AGBL4: variants seen among roughly 807,000 people sequenced by gnomAD.
AGBL4 encodes the protein AGBL carboxypeptidase 4.
AGBL4 carries 58 observed loss-of-function variants against 66.4 expected under a neutral mutation model. The observed-to-expected ratio is 0.87, with a 90% CI of 0.71 to 1.09. The LOEUF is 1.09. AGBL4 is among the 50% of genes least tolerant of loss of function. The pLI is 0.00. For synonymous variants in AGBL4, 234 were observed against 222.9 expected (o/e 1.05, Z -0.44); for missense variants, 579 against 631.0 (o/e 0.92, Z 0.88).
chr1:48,751,103 T>C (rs550871350), intron 6 of AGBL4, among the ~76,000 whole-genome samples: 8 of 152,200 alleles, frequency 5.3e-5, no homozygotes, highest in Non-Finnish European at 8.8e-5. Context: ...TGGGCCTCAG[T>C]TGTCCATCTA....
At chr1:49,345,277 AC>A (rs1186551758) in intron 3 of AGBL4, among the ~76,000 whole-genome samples, 2 of 152,188 alleles carry the variant, frequency 1.3e-5, no homozygotes, top group East Asian at 3.8e-4. Context: ...TATAATTGTT[AC>A]GTTAAATTAT....
intron 3 of AGBL4, among the ~76,000 whole-genome samples, chr1:49,653,537 T>A (rs1414156468): frequency 6.6e-6 from 1 of 152,060 alleles, no homozygotes; most frequent in East Asian, 1.9e-4. Flanking sequence ...TAAAGGATTA[T>A]GTTCTAACTC....
chr1:48,541,146 T>C (rs898686833), intron 11 of AGBL4, among the ~76,000 whole-genome samples: 2 of 152,230 alleles, frequency 1.3e-5, no homozygotes, highest in African/African-American at 4.8e-5. Flanking sequence ...ACATGCCATC[T>C]TTCTAGATCA....
chr1:49,993,263 A>G (rs1388612532), intron 1 of AGBL4, among the ~76,000 whole-genome samples: 1 of 152,256 alleles, frequency 6.6e-6, no homozygotes, highest in Non-Finnish European at 1.5e-5. Context: ...AAGGTAGATT[A>G]CATTTAAGGT....
At chr1:49,006,668 A>G (rs9793655) in intron 5 of AGBL4, among the ~76,000 whole-genome samples, 78,897 of 146,558 alleles carry the variant, frequency 0.54, 20,808 homozygotes, top group Middle Eastern at 0.6. Flanking sequence ...CCCAGTACGC[A>G]GCTGGAGATC....
intron 3 of AGBL4, among the ~76,000 whole-genome samples, chr1:49,543,509 T>G (rs1652231041): frequency 6.6e-6 from 1 of 151,996 alleles, no homozygotes; most frequent in South Asian, 2.1e-4. Flanking sequence ...AAAAGCACAC[T>G]CAGGCCTTTT....
At chr1:49,119,593 T>C (rs1466677181) in intron 4 of AGBL4, among the ~76,000 whole-genome samples, 1 of 152,228 alleles carries the variant, frequency 6.6e-6, no homozygotes, top group Non-Finnish European at 1.5e-5. Flanking sequence ...TCTTTTACAC[T>C]TGCTGAGGAG....
At chr1:48,608,338 G>C (rs1238617133) in intron 9 of AGBL4, among the ~76,000 whole-genome samples, 1 of 152,066 alleles carries the variant, frequency 6.6e-6, no homozygotes, top group East Asian at 1.9e-4. Context: ...AAAGAAGAAG[G>C]GATCTTCTAA....
intron 1 of AGBL4, among the ~76,000 whole-genome samples, chr1:49,978,602 T>C (rs963206933): frequency 6.6e-6 from 1 of 152,178 alleles, no homozygotes; most frequent in Non-Finnish European, 1.5e-5. Flanking sequence ...ATGATGACAA[T>C]GTGAGAATAT....
rs186624868 is a variant in AGBL4, at chr1:49,653,405, C to T, written c.282+43908G>A. On this transcript the variant is annotated intron_variant, in intron 3 of 13. Coordinates refer to ENST00000371839, the MANE Select transcript of AGBL4 (RefSeq NM_032785.4). ...GCTGAAAACTCAAAAAGCCAGAGTG[C>T]CTCTTCTCCTCCAAATGATCACAAC... 2.1e-3 allele frequency among the ~76,000 whole-genome samples: 318 copies of T among 152,044 alleles called. 4 individuals are homozygous for T. Among genetic ancestry groups the T allele is most frequent in the African/African-American group, 7.1e-3 (296 of 41,478 alleles).
intron 4 of AGBL4, among the ~76,000 whole-genome samples, chr1:49,170,627 T>G (rs1243651917): frequency 6.7e-6 from 1 of 148,826 alleles, no homozygotes; most frequent in Non-Finnish European, 1.5e-5. Flanking sequence ...ATATATTCAT[T>G]AATACACTGA....
rs145608198 is a variant in AGBL4, at chr1:48,789,445, C to T, written c.634+77746G>A. ...CTGGGACTACAGGCGCCCGCCACCA[C>T]GCTTGGCTAATTTTTTTGTATTTTT... On this transcript the variant is annotated intron_variant, in intron 6 of 13. Transcript: ENST00000371839. Among the ~76,000 whole-genome samples the T allele has an allele frequency of 2.1e-3, 317 of 152,100 alleles. 3 individuals are homozygous for T. The East Asian group carries it at 0.022, about 11-fold the overall frequency.
intron 2 of AGBL4, among the ~76,000 whole-genome samples, chr1:49,809,657 A>C (rs1450463644): frequency 1.3e-5 from 2 of 152,212 alleles, no homozygotes; most frequent in African/African-American, 4.8e-5. Flanking sequence ...GGTAAGTCTC[A>C]TGTTAATTGT....
At chr1:49,751,572 T>C (rs1387613734) in intron 2 of AGBL4, among the ~76,000 whole-genome samples, 1 of 152,180 alleles carries the variant, frequency 6.6e-6, no homozygotes, top group Non-Finnish European at 1.5e-5. Context: ...CAGGTTTTAG[T>C]ATCAGAATGA....
intron 4 of AGBL4, among the ~76,000 whole-genome samples, chr1:49,062,813 C>T (rs1181779192): frequency 6.6e-6 from 1 of 152,176 alleles, no homozygotes; most frequent in African/African-American, 2.4e-5. Context: ...GCCTTCATCA[C>T]ATGCAAGAAT....
At chr1:49,331,899 A>G (rs1426468034) in intron 3 of AGBL4, among the ~76,000 whole-genome samples, 1 of 152,118 alleles carries the variant, frequency 6.6e-6, no homozygotes, top group Non-Finnish European at 1.5e-5. Context: ...TATTCTAGAC[A>G]TAGCTCTGAT....
chr1:49,633,831 C>A (rs1440361610), intron 3 of AGBL4, among the ~76,000 whole-genome samples: 1 of 147,564 alleles, frequency 6.8e-6, no homozygotes, highest in African/African-American at 2.5e-5. Context: ...GTATATATTA[C>A]AAAATACATA....
chr1:49,959,206 G>A (rs982565135), intron 1 of AGBL4, among the ~76,000 whole-genome samples: 3 of 151,942 alleles, frequency 2.0e-5, no homozygotes, highest in Non-Finnish European at 4.4e-5. Flanking sequence ...AGTCTAATTT[G>A]ATTCCAAAGC....
intron 2 of AGBL4, chr1:49,844,831 T>C (rs1646094760): frequency 1.3e-6 from 2 of 1,525,306 alleles, no homozygotes; most frequent in East Asian, 4.5e-5. Context: ...TGTGGGCCAC[T>C]GGGAATGGAG....
Sources: allele counts gnomAD v4.1 joint callset (sites outside exome capture counted in the v4.1 genomes callset), GRCh38; gene constraint gnomAD v4.1.1; transcripts MANE v1.5; gene names NCBI Gene and HGNC (gene_info 2026-07-23, HGNC 2026-07-21).